COL21A1: variants seen among roughly 807,000 people sequenced by gnomAD.
COL21A1 encodes the protein collagen alpha-1(XXI) chain.
Under a neutral mutation model 137.9 loss-of-function variants are expected in COL21A1, and 149 were observed. The ratio of observed to expected loss-of-function variants is 1.08; its 90% CI spans 0.95 to 1.24. The LOEUF is 1.24. COL21A1 is among the 50% of genes most tolerant of loss of function. The pLI, the probability that COL21A1 is intolerant of heterozygous loss-of-function variation, is 0.00. For synonymous variants in COL21A1, 456 were observed against 391.5 expected, an observed-to-expected ratio of 1.16 and a Z score of -1.95; for missense variants, 1,167 against 1,158.4, an observed-to-expected ratio of 1.01 and a Z score of -0.11.
At chr6:56,091,952 T>C (rs190008684) in intron 17 of COL21A1, among the ~76,000 whole-genome samples, 77 of 152,178 alleles carry the variant, frequency 5.1e-4, no homozygotes, top group Admixed American at 1.0e-3. Context: ...CTGCCCAAGA[T>C]AAAATCAGAG....
intron 17 of COL21A1, among the ~76,000 whole-genome samples, chr6:56,097,989 AT>A (rs1562189113): frequency 3.0e-5 from 1 of 33,274 alleles, no homozygotes; most frequent in African/African-American, 1.5e-4. Flanking sequence ...ATATAAATAT[AT>A]ATGTAAATAT....
At chr6:56,266,286 C>A (rs765427059) in intron 1 of COL21A1, among the ~76,000 whole-genome samples, 3 of 152,180 alleles carry the variant, frequency 2.0e-5, no homozygotes, top group African/African-American at 4.8e-5. Context: ...AAGTACTGAA[C>A]GTTCTAGACA....
At chr6:56,104,457 T>C (rs1184070154) in intron 16 of COL21A1, among the ~76,000 whole-genome samples, 1 of 152,156 alleles carries the variant, frequency 6.6e-6, no homozygotes, top group Non-Finnish European at 1.5e-5. Context: ...GGATAATTTC[T>C]ACTTGGCATT....
chr6:56,383,740 G>C (rs1026702172), intron 1 of COL21A1, among the ~76,000 whole-genome samples: 30 of 152,034 alleles, frequency 2.0e-4, no homozygotes, highest in African/African-American at 7.2e-4. Flanking sequence ...CAGGTTTTTG[G>C]CTTTCTATTC....
At chr6:56,248,299 G>C (rs1782755185), upstream of COL21A1, among the ~76,000 whole-genome samples, 1 of 152,166 alleles carries the variant, frequency 6.6e-6, no homozygotes, top group Non-Finnish European at 1.5e-5. Context: ...ACACACCAGT[G>C]TGTTCTCATC....
intron 1 of COL21A1, among the ~76,000 whole-genome samples, chr6:56,289,898 C>T (rs1764000703): frequency 6.6e-6 from 1 of 152,022 alleles, no homozygotes; most frequent in African/African-American, 2.4e-5. Context: ...GTTTTCCTGC[C>T]CAGCCCACAG....
intron 1 of COL21A1, among the ~76,000 whole-genome samples, chr6:56,241,827 A>G (rs1782345141): frequency 6.6e-6 from 1 of 152,236 alleles, no homozygotes; most frequent in South Asian, 2.1e-4. Context: ...TTAAATTTAA[A>G]TTAGAAGCAT....
intron 1 of COL21A1, chr6:56,276,713 C>T (rs764297137): frequency 1.7e-5 from 24 of 1,423,118 alleles, no homozygotes; most frequent in Non-Finnish European, 2.3e-5. Context: ...CTGGGTGATT[C>T]ACGGCTTCCT....
chr6:56,335,825 G>A (rs887981498), intron 1 of COL21A1, among the ~76,000 whole-genome samples: 2 of 152,204 alleles, frequency 1.3e-5, no homozygotes, highest in Non-Finnish European at 2.9e-5. Flanking sequence ...AGGGAGGCCT[G>A]CCATGGATAC....
chr6:56,377,751 A>G (rs1428660466), intron 1 of COL21A1, among the ~76,000 whole-genome samples: 1 of 152,092 alleles, frequency 6.6e-6, no homozygotes, highest in African/African-American at 2.4e-5. Context: ...CAACTAAGAG[A>G]GTACTGGAAT....
chr6:56,160,297 T>A (rs1334855124), intron 9 of COL21A1, among the ~76,000 whole-genome samples: 1 of 152,240 alleles, frequency 6.6e-6, no homozygotes, highest in African/African-American at 2.4e-5. Context: ...GTAATAATCC[T>A]ATGAAGCAGA....
chr6:56,388,112 C>G (rs966841689), intron 1 of COL21A1, among the ~76,000 whole-genome samples: 5 of 152,314 alleles, frequency 3.3e-5, no homozygotes, highest in Non-Finnish European at 7.4e-5. Context: ...TCCCAAAGCC[C>G]CTGATTGCAA....
At chr6:56,119,374 G>A (rs745835537) in intron 16 of COL21A1, among the ~76,000 whole-genome samples, 1 of 151,966 alleles carries the variant, frequency 6.6e-6, no homozygotes, top group Non-Finnish European at 1.5e-5. Flanking sequence ...TCTCTACAAT[G>A]AAAGTTATAA....
chr6:56,064,817 T>C (rs1021514113), intron 23 of COL21A1, among the ~76,000 whole-genome samples, 195 bp from the exon 24 acceptor site: 1 of 151,996 alleles, frequency 6.6e-6, no homozygotes, highest in Non-Finnish European at 1.5e-5. Flanking sequence ...CCTAATCTTA[T>C]AGTTAAAGTG....
chr6:56,064,643 T>A, intron 23 of COL21A1, 21 bp from the exon 24 acceptor site: 8 of 1,537,510 alleles, frequency 5.2e-6, no homozygotes, highest in Non-Finnish European at 7.1e-6. Context: ...AAAAAAAACA[T>A]TATTGATTAG....
chr6:56,364,350 T>G (rs1766048640), intron 1 of COL21A1, among the ~76,000 whole-genome samples: 2 of 152,340 alleles, frequency 1.3e-5, no homozygotes, highest in Middle Eastern at 3.4e-3. Context: ...TCTACCTCCA[T>G]GGAAACAAAC....
At chr6:56,388,916 C>T (rs2094023718) in intron 1 of COL21A1, among the ~76,000 whole-genome samples, 2 of 152,104 alleles carry the variant, frequency 1.3e-5, no homozygotes, top group Non-Finnish European at 2.9e-5. Flanking sequence ...AGAATTCTAT[C>T]AGAAAAAATG....
At chr6:56,194,053 G>A (rs1488695488) in intron 1 of COL21A1, among the ~76,000 whole-genome samples, 2 of 152,142 alleles carry the variant, frequency 1.3e-5, no homozygotes, top group East Asian at 1.9e-4. Context: ...CATTTTTGGT[G>A]AGTCATCACC....
chr6:56,381,470 A>G (rs1365860236), intron 1 of COL21A1, among the ~76,000 whole-genome samples: 1 of 152,252 alleles, frequency 6.6e-6, no homozygotes, highest in Non-Finnish European at 1.5e-5. Flanking sequence ...AAGGAGCACA[A>G]TTAGACTCTC....
Sources: allele counts gnomAD v4.1 joint callset (sites outside exome capture counted in the v4.1 genomes callset), GRCh38; gene constraint gnomAD v4.1.1; transcripts MANE v1.5; gene names NCBI Gene and HGNC (gene_info 2026-07-23, HGNC 2026-07-21).